WWOX: variants seen among roughly 807,000 people sequenced by gnomAD.
WWOX encodes WW domain containing oxidoreductase.
Under a neutral mutation model 46.2 loss-of-function variants are expected in WWOX, and 69 were observed. That is an observed-to-expected ratio of 1.49 (90% CI 1.23 to 1.82). The LOEUF (loss-of-function observed/expected upper bound fraction) is 1.82, where lower values mean the gene tolerates loss of function less well. Among genes scored for constraint, WWOX ranks in the 40% most tolerant of loss-of-function variants. The probability of loss-of-function intolerance (pLI) is 0.00; values close to 1 mark genes in which losing one functional copy is unlikely to be tolerated. For synonymous variants in WWOX, 359 were observed against 202.6 expected (o/e 1.77, Z -6.56); for missense variants, 919 against 542.6 (o/e 1.69, Z -6.89).
At chr16:78,615,663 TAAATG>T (rs1597351530) in intron 8 of WWOX, among the ~76,000 whole-genome samples, 2 of 150,578 alleles carry the variant, frequency 1.3e-5, no homozygotes, top group Admixed American at 1.3e-4. Flanking sequence ...TTCCAAAAAA[TAAATG>T]AAATAAATAA....
intron 8 of WWOX, among the ~76,000 whole-genome samples, chr16:78,880,263 C>T (rs1397646558): frequency 6.6e-6 from 1 of 152,190 alleles, no homozygotes; most frequent in African/African-American, 2.4e-5. Flanking sequence ...TAGATGGAAA[C>T]ATCTAAAGGC....
At chr16:78,499,012 C>A (rs775437387) in intron 8 of WWOX, among the ~76,000 whole-genome samples, 2 of 152,262 alleles carry the variant, frequency 1.3e-5, no homozygotes, top group East Asian at 3.9e-4. Flanking sequence ...ATGAAGTACA[C>A]GAGGTTTCTT....
At chr16:79,165,353 G>C (rs747911362) in intron 8 of WWOX, among the ~76,000 whole-genome samples, 31 of 152,090 alleles carry the variant, frequency 2.0e-4, no homozygotes, top group Non-Finnish European at 4.4e-4. Context: ...AGCAGGTGTC[G>C]TGGAAACAAC....
intron 2 of WWOX, 37 bp from the exon 3 acceptor site, chr16:78,109,741 C>T (rs759712000): frequency 6.2e-7 from 1 of 1,612,816 alleles, no homozygotes; most frequent in African/African-American, 1.3e-5. Context: ...CTTTACTTCT[C>T]CCTGGCACCT....
At chr16:78,164,676 A>T (rs76474381) in intron 5 of WWOX, among the ~76,000 whole-genome samples, 3 of 152,202 alleles carry the variant, frequency 2.0e-5, no homozygotes, top group Admixed American at 6.5e-5. Context: ...TTCTCTGTCT[A>T]TGTAGAAGTT....
intron 8 of WWOX, among the ~76,000 whole-genome samples, chr16:79,065,527 A>C (rs1470227715): frequency 6.6e-6 from 1 of 152,178 alleles, no homozygotes; most frequent in Non-Finnish European, 1.5e-5. Context: ...TGGGTCATCA[A>C]AATGCAAAAG....
intron 8 of WWOX, among the ~76,000 whole-genome samples, chr16:78,634,960 C>T (rs1005129116): frequency 2.6e-5 from 4 of 151,608 alleles, no homozygotes; most frequent in South Asian, 2.1e-4. Flanking sequence ...GGGTCCAGAG[C>T]AGTAAAGAGC....
At chr16:79,002,843 C>T (rs957709692) in intron 8 of WWOX, among the ~76,000 whole-genome samples, 1 of 152,208 alleles carries the variant, frequency 6.6e-6, no homozygotes, top group Admixed American at 6.5e-5. Context: ...TATACTACCT[C>T]TTCGAGATGC....
At chr16:79,076,928 G>C (rs953944644) in intron 8 of WWOX, among the ~76,000 whole-genome samples, 1 of 152,216 alleles carries the variant, frequency 6.6e-6, no homozygotes, top group African/African-American at 2.4e-5. Flanking sequence ...CTTACCCTGA[G>C]AGAAAGGTGG....
chr16:78,675,106 T>A (rs761807537), intron 8 of WWOX, among the ~76,000 whole-genome samples: 1 of 152,232 alleles, frequency 6.6e-6, no homozygotes, highest in South Asian at 2.1e-4. Flanking sequence ...GCTGAATGTT[T>A]ACATAGATGA....
intron 4 of WWOX, among the ~76,000 whole-genome samples, chr16:78,150,279 A>T (rs1275883648): frequency 2.6e-5 from 4 of 152,164 alleles, no homozygotes; most frequent in Non-Finnish European, 1.5e-5. Context: ...TGCGGAGGGG[A>T]TGTGGAGCTT....
At position 78,516,773 on chromosome 16, in the gene WWOX, T is replaced by A. The variant is rs991354888; in HGVS notation, c.1056+84021T>A. ...CTAATGCTCCTTCCATTTAAATAAT[T>A]CAAAAATCCGTGGCAAGGTACCTGA... On this transcript the variant is annotated intron_variant, in intron 8 of 8. Transcript: ENST00000566780. Among the ~76,000 whole-genome samples the A allele has an allele frequency of 3.0e-4, 46 of 152,102 alleles. 1 individual carries two copies. The highest frequency in any genetic ancestry group is 1.1e-3 in the African/African-American group (44 of 41,436).
chr16:78,760,843 A>C (rs1053385148), intron 8 of WWOX, among the ~76,000 whole-genome samples: 18 of 152,314 alleles, frequency 1.2e-4, no homozygotes, highest in African/African-American at 4.3e-4. Context: ...AGGTTTAATG[A>C]ACTCACATTT....
chr16:78,838,419 C>T (rs143759720), intron 8 of WWOX, among the ~76,000 whole-genome samples: 61 of 152,126 alleles, frequency 4.0e-4, no homozygotes, highest in African/African-American at 1.3e-3. Flanking sequence ...GAGACTTACA[C>T]GTATACACAA....
At chr16:79,001,887 A>C (rs2047100102) in intron 8 of WWOX, among the ~76,000 whole-genome samples, 2 of 152,304 alleles carry the variant, frequency 1.3e-5, no homozygotes, top group South Asian at 4.1e-4. Context: ...TTTCTAGAGC[A>C]ACCTCTTGGC....
At chr16:78,200,247 G>T (rs1034138725) in intron 5 of WWOX, among the ~76,000 whole-genome samples, 2 of 151,838 alleles carry the variant, frequency 1.3e-5, no homozygotes, top group African/African-American at 4.8e-5. Context: ...TTCCTCGCCC[G>T]ACTTCTGATT....
intron 8 of WWOX, among the ~76,000 whole-genome samples, chr16:79,072,451 T>C (rs984564603): frequency 8.5e-5 from 13 of 152,216 alleles, no homozygotes; most frequent in African/African-American, 2.7e-4. Flanking sequence ...CTTTGCAACA[T>C]AGACTTGAAG....
intron 8 of WWOX, among the ~76,000 whole-genome samples, chr16:78,595,146 C>T (rs971680771): frequency 2.6e-5 from 4 of 152,194 alleles, no homozygotes; most frequent in Admixed American, 6.5e-5. Context: ...GCAAAAGCAA[C>T]CTCTGAGGAT....
intron 8 of WWOX, among the ~76,000 whole-genome samples, chr16:78,764,100 G>A (rs944577339): frequency 1.2e-4 from 19 of 152,122 alleles, no homozygotes; most frequent in African/African-American, 4.1e-4. Flanking sequence ...GGATCAGCTG[G>A]TGCTCCAGGA....
Sources: gnomAD v4.1 joint callset for allele counts (sites outside exome capture counted in the v4.1 genomes callset) on GRCh38, gnomAD v4.1.1 for gene constraint, MANE v1.5 for transcripts, NCBI Gene and HGNC (gene_info 2026-07-23, HGNC 2026-07-21) for gene names.